Variants in IGSF21 observed in about 807,000 individuals in gnomAD.
IGSF21 encodes the protein immunoglobulin superfamily member 21.
Under a neutral mutation model 46.8 loss-of-function variants are expected in IGSF21, and 28 were observed. The observed-to-expected ratio is 0.60, with a 90% CI of 0.44 to 0.82. The LOEUF is 0.82. IGSF21 is among the 40% of genes least tolerant of loss of function. The pLI is 0.00. For missense variants in IGSF21, 624 were observed against 665.5 expected (o/e 0.94, Z 0.69); for synonymous variants, 284 against 273.6 (o/e 1.04, Z -0.38).
At chr1:18,354,091 G>A (rs1449435609) in intron 4 of IGSF21, among the ~76,000 whole-genome samples, 1 of 152,224 alleles carries the variant, frequency 6.6e-6, no homozygotes, top group African/African-American at 2.4e-5. Flanking sequence ...GTAGCAATGA[G>A]TATGAAAAGC....
At chr1:18,219,884 A>G (rs995268385) in intron 1 of IGSF21, among the ~76,000 whole-genome samples, 1 of 152,202 alleles carries the variant, frequency 6.6e-6, no homozygotes, top group African/African-American at 2.4e-5. Flanking sequence ...GTGAGATAGC[A>G]TGAAGAACCA....
chr1:18,355,147 G>C (rs993884770), intron 4 of IGSF21, among the ~76,000 whole-genome samples: 7 of 152,188 alleles, frequency 4.6e-5, no homozygotes, highest in African/African-American at 1.7e-4. Context: ...AGAAGTGGGA[G>C]CGGACCTCAT....
At position 18,378,374 on chromosome 1, in the gene IGSF21, G is replaced by A. The variant is rs11804974; in HGVS notation, c.*48G>A. On this transcript the variant is annotated 3_prime_UTR_variant, in exon 10 of 10. Transcript: ENST00000251296. ...ATCAGGCACTGACATCTCCACGACCGGTTTTCATTTCTTTTCTAAACTATT... is the reference window on the plus strand; with the variant it reads ...ATCAGGCACTGACATCTCCACGACCAGTTTTCATTTCTTTTCTAAACTATT... The A allele has an allele frequency of 2.9e-3, 4,235 of 1,446,988 alleles. 108 individuals are homozygous for A. The African/African-American group carries it at 0.053, about 18-fold the overall frequency. The allele number at this position is 1,446,988 out of a possible 1,614,324, so 89.6% of individuals were successfully genotyped here. A position where few individuals can be genotyped will look rare whatever the true frequency, so the allele number is the denominator to read the frequency against.
chr1:18,156,414 G>C (rs182058420), intron 1 of IGSF21, among the ~76,000 whole-genome samples: 27 of 152,310 alleles, frequency 1.8e-4, no homozygotes, highest in East Asian at 9.6e-4. Flanking sequence ...GAAAATCAGA[G>C]AGGCTTAAGG....
rs534509439 is a variant in IGSF21 at position 18,246,644 on chromosome 1, T to G, written c.183+18634T>G. The stretch of plus-strand genomic sequence containing the variant: ...AGCTAGCTCGGTATGTGCTGTAATC[T>G]CCAAACTCCATGCTTGGGACATCTT... On this transcript the variant is annotated intron_variant, in intron 2 of 9. Coordinates refer to ENST00000251296, the MANE Select transcript of IGSF21 (RefSeq NM_032880.5). 4.7e-4 allele frequency among the ~76,000 whole-genome samples: 72 copies of G among 152,288 alleles called. 1 individual carries two copies. Among genetic ancestry groups the G allele is most frequent in the South Asian group, 2.1e-3 (10 of 4,820 alleles).
intron 1 of IGSF21, among the ~76,000 whole-genome samples, chr1:18,140,702 C>T (rs560872744): frequency 2.2e-4 from 34 of 152,338 alleles, no homozygotes; most frequent in Non-Finnish European, 4.3e-4. Context: ...GCTCAGTGGT[C>T]ACCTCTTCTT....
At chr1:18,326,404 G>C (rs1182897151) in intron 3 of IGSF21, among the ~76,000 whole-genome samples, 1 of 152,228 alleles carries the variant, frequency 6.6e-6, no homozygotes, top group Non-Finnish European at 1.5e-5. Context: ...TGGCTCATAA[G>C]ATTGCAGGGG....
intron 2 of IGSF21, among the ~76,000 whole-genome samples, chr1:18,267,705 C>T (rs1209219008): frequency 1.3e-5 from 2 of 152,204 alleles, no homozygotes; most frequent in African/African-American, 4.8e-5. Context: ...AGGCTGCTTT[C>T]CTTGGACCAT....
At position 18,314,443 on chromosome 1, in the gene IGSF21, A is replaced by G. The variant is rs978960573; in HGVS notation, c.306-20449A>G. On this transcript the variant is annotated intron_variant, in intron 3 of 9. Coordinates refer to ENST00000251296, the MANE Select transcript of IGSF21 (RefSeq NM_032880.5). ...CGCCCATTATAGATAAAGATGATTCATGCCTAATTAATAATGATAATGGTG... is the reference window on the plus strand; with the variant it reads ...CGCCCATTATAGATAAAGATGATTCGTGCCTAATTAATAATGATAATGGTG... 2.0e-5 allele frequency among the ~76,000 whole-genome samples: 3 copies of G among 152,200 alleles called. No homozygotes were observed. In the East Asian group the frequency reaches 5.8e-4, roughly 29 times the overall value.
chr1:18,244,171 G>T (rs1557604227), intron 2 of IGSF21, among the ~76,000 whole-genome samples: 2 of 152,340 alleles, frequency 1.3e-5, no homozygotes, highest in African/African-American at 4.8e-5. Flanking sequence ...TCAGGATGGT[G>T]CTCTACTTCT....
chr1:18,121,727 T>C (rs1236345542), intron 1 of IGSF21, among the ~76,000 whole-genome samples: 1 of 152,084 alleles, frequency 6.6e-6, no homozygotes, highest in Non-Finnish European at 1.5e-5. Context: ...TGTGTGACCC[T>C]TTAGGAGGAG....
At chr1:18,223,029 C>T (rs1185523613) in intron 1 of IGSF21, among the ~76,000 whole-genome samples, 1 of 152,168 alleles carries the variant, frequency 6.6e-6, no homozygotes, top group Non-Finnish European at 1.5e-5. Context: ...CCAGAGAGCC[C>T]ACCTCCAGAC....
intron 1 of IGSF21, chr1:18,176,073 T>C (rs1003986835): frequency 6.6e-6 from 1 of 152,222 alleles, no homozygotes; most frequent in Non-Finnish European, 1.5e-5. Context: ...TGTCTGAAAC[T>C]GCAGAATGAG....
intron 3 of IGSF21, among the ~76,000 whole-genome samples, chr1:18,303,443 G>C (rs2085380496): frequency 6.6e-6 from 1 of 152,266 alleles, no homozygotes; most frequent in East Asian, 1.9e-4. Flanking sequence ...AATAGGGTGG[G>C]GGCACTGGGG....
chr1:18,269,408 T>TGGA (rs1371850726), intron 2 of IGSF21, among the ~76,000 whole-genome samples: 4 of 152,086 alleles, frequency 2.6e-5, no homozygotes, highest in African/African-American at 7.2e-5. Flanking sequence ...GAGGACTTGT[T>TGGA]GGAGGAGGAG....
intron 2 of IGSF21, among the ~76,000 whole-genome samples, chr1:18,288,638 G>C (rs1441239297): frequency 3.3e-5 from 5 of 152,168 alleles, no homozygotes; most frequent in Admixed American, 2.6e-4. Flanking sequence ...CCTCTTTCTT[G>C]GGCCCTCTAA....
intron 1 of IGSF21, among the ~76,000 whole-genome samples, chr1:18,123,949 C>G (rs1197003631): frequency 6.6e-6 from 1 of 152,156 alleles, no homozygotes; most frequent in African/African-American, 2.4e-5. Flanking sequence ...CTGGCCCCAC[C>G]CTGGGAAGCA....
chr1:18,305,665 T>C (rs977241218), intron 3 of IGSF21, among the ~76,000 whole-genome samples: 2 of 152,212 alleles, frequency 1.3e-5, no homozygotes, highest in Non-Finnish European at 2.9e-5. Flanking sequence ...GACCTAAATC[T>C]TAGTCAAGGA....
intron 1 of IGSF21, among the ~76,000 whole-genome samples, chr1:18,127,477 T>C (rs2086283268): frequency 6.6e-6 from 1 of 152,068 alleles, no homozygotes; most frequent in African/African-American, 2.4e-5. Flanking sequence ...CGGACAGTGC[T>C]GTGTGGTATC....
Sources: gnomAD v4.1 joint callset for allele counts (sites outside exome capture counted in the v4.1 genomes callset) on GRCh38, gnomAD v4.1.1 for gene constraint, MANE v1.5 for transcripts, NCBI Gene and HGNC (gene_info 2026-07-23, HGNC 2026-07-21) for gene names.